Variants in ADGRG2 observed in about 807,000 individuals in gnomAD.
The protein encoded by ADGRG2 is G protein-coupled receptor 64.
A neutral mutation model predicts 74.1 loss-of-function variants in ADGRG2; 26 were observed. That is an observed-to-expected ratio of 0.35 (90% CI 0.26 to 0.49). ADGRG2 has a LOEUF of 0.49. Ranked by LOEUF, ADGRG2 falls within the 20% of genes least tolerant of loss-of-function variation. The probability of loss-of-function intolerance (pLI) is 0.99; values close to 1 mark genes in which losing one functional copy is unlikely to be tolerated. For synonymous variants in ADGRG2, 296 were observed against 295.2 expected, an observed-to-expected ratio of 1.00 and a Z score of -0.03; for missense variants, 619 against 763.1, an observed-to-expected ratio of 0.81 and a Z score of 2.22.
chrX:19,034,908 T>G (rs911910417), intron 7 of ADGRG2: 9 of 109,825 alleles, frequency 8.2e-5, no homozygotes, highest in Non-Finnish European at 1.7e-4. Context: ...CACTCCAGCC[T>G]GGATGACAGA....
chrX:19,028,850 A>G (rs765299827), intron 9 of ADGRG2, among the ~76,000 whole-genome samples: 1 of 111,928 alleles, frequency 8.9e-6, no homozygotes, highest in African/African-American at 3.2e-5. Flanking sequence ...GGCTCAGCCA[A>G]CGTTTTTGGT....
rs1440423578 is a variant in ADGRG2, at chrX:19,011,759, C to T, written c.1100-981G>A. Among the ~76,000 whole-genome samples the T allele has an allele frequency of 4.5e-5, 5 of 111,897 alleles. No homozygotes were observed. The South Asian group carries it at 1.1e-3, about 25-fold the overall frequency. ...ACTCGGGAGGCTGAGGCACAAGAAT[C>T]GCTTGAACCCAGGAGGCAGAGGTTG... On this transcript the variant is annotated intron_variant, in intron 16 of 28. Transcript: ENST00000379869.
At chrX:19,022,135 G>T (rs773042962) in intron 13 of ADGRG2, among the ~76,000 whole-genome samples, 34 of 110,043 alleles carry the variant, frequency 3.1e-4, no homozygotes, top group Non-Finnish European at 6.3e-4. Context: ...GTGGTGGTGG[G>T]TGCCTGTAAT....
Position 19,023,434 on chromosome X carries a change from G to T in ADGRG2, c.530C>A (p.Ala177Asp). 9.0e-7 allele frequency: 1 copy of T among 1,107,117 alleles called. No homozygotes were observed. Among genetic ancestry groups the T allele is most frequent in the Non-Finnish European group, 1.2e-6 (1 of 812,037 alleles). 91.2% of individuals were successfully genotyped at this position (1,107,117 alleles called of 1,213,427 possible). Residue 177 changes from alanine (A) to aspartate (D), a missense_variant, in exon 13 of 29, where the codon GCT (alanine) becomes GAT (aspartate). Around this residue, in one of 3 missense-constraint regions of ADGRG2, gnomAD observed 292 missense variants for 318.0 expected, o/e 0.92. Coordinates refer to ENST00000379869, the MANE Select transcript of ADGRG2 (RefSeq NM_001079858.3). ...TLSETYFIMC[A>D]TAEAQSTLNC... is the part of the protein sequence containing the mutation. ...GACTGACCTTTGGGCCTCTGCTGTA[G>T]CACACATTATAAAGTAAGTCTGAAA...
At chrX:19,077,328 C>T (rs1228904350) in intron 2 of ADGRG2, among the ~76,000 whole-genome samples, 2 of 75,260 alleles carry the variant, frequency 2.7e-5, no homozygotes, top group Non-Finnish European at 4.7e-5. Flanking sequence ...GAAACTCTGT[C>T]TCTACTAAAA....
intron 26 of ADGRG2, among the ~76,000 whole-genome samples, chrX:18,998,658 C>G (rs1057228249): frequency 1.7e-4 from 17 of 99,692 alleles, no homozygotes; most frequent in African/African-American, 6.1e-4. Flanking sequence ...CTGCGTCCAG[C>G]AAGTCTCTCA....
chrX:19,079,824 C>A (rs1302699743), intron 2 of ADGRG2, among the ~76,000 whole-genome samples: 1 of 111,484 alleles, frequency 9.0e-6, no homozygotes, highest in Non-Finnish European at 1.9e-5. Context: ...ATCAGACGTG[C>A]AAGATTAGAA....
intron 1 of ADGRG2, among the ~76,000 whole-genome samples, chrX:19,102,292 T>C (rs1394155508): frequency 9.0e-6 from 1 of 110,805 alleles, no homozygotes; most frequent in Non-Finnish European, 1.9e-5. Context: ...CTCATTTCTC[T>C]TATTTTAAGG....
chrX:19,011,798 T>C (rs1569370900), intron 16 of ADGRG2, among the ~76,000 whole-genome samples: 3 of 112,047 alleles, frequency 2.7e-5, no homozygotes, highest in Admixed American at 9.5e-5. Flanking sequence ...TGAGCCGAAA[T>C]TGCGCCACTG....
At chrX:19,113,447 T>G in intron 1 of ADGRG2, among the ~76,000 whole-genome samples, 1 of 111,994 alleles carries the variant, frequency 8.9e-6, no homozygotes, top group Non-Finnish European at 1.9e-5. Context: ...AGGTCTATTG[T>G]CAAAATTGGA....
Position 19,067,529 on chromosome X carries a change from A to T in ADGRG2, c.118+1188T>A, listed in dbSNP as rs770141582. ...AAAGGACCTAAACATAAGAGCTAAA[A>T]CTATAAAATTCTTGGAAGAAAACAT... On this transcript the variant is annotated intron_variant, in intron 3 of 28. Coordinates refer to ENST00000379869, the MANE Select transcript of ADGRG2 (RefSeq NM_001079858.3). Among the ~76,000 whole-genome samples the T allele has an allele frequency of 2.7e-5, 3 of 112,177 alleles. No homozygotes were observed. The East Asian group carries it at 8.3e-4, about 31-fold the overall frequency.
intron 3 of ADGRG2, among the ~76,000 whole-genome samples, chrX:19,046,802 G>A (rs750484562): frequency 3.6e-5 from 4 of 111,705 alleles, no homozygotes; most frequent in Non-Finnish European, 5.6e-5. Context: ...TGGAATCATG[G>A]AAGAGGCACA....
At chrX:19,069,544 T>C (rs746178582) in intron 2 of ADGRG2, among the ~76,000 whole-genome samples, 1 of 110,827 alleles carries the variant, frequency 9.0e-6, no homozygotes, top group East Asian at 2.9e-4. Context: ...TGCCCGAATG[T>C]TGCCTTTTCC....
intron 2 of ADGRG2, among the ~76,000 whole-genome samples, chrX:19,077,863 C>T (rs1310190631): frequency 1.8e-5 from 2 of 112,020 alleles, no homozygotes; most frequent in African/African-American, 6.5e-5. Flanking sequence ...ACTACTATAG[C>T]CTCAAAATAC....
intron 3 of ADGRG2, among the ~76,000 whole-genome samples, chrX:19,055,304 A>G (rs762788772): frequency 1.3e-4 from 15 of 111,733 alleles, no homozygotes; most frequent in South Asian, 3.7e-4. Context: ...ACGCGCGTGC[A>G]CGCACCTTAG....
chrX:19,027,003 T>C (rs751477993), intron 11 of ADGRG2, among the ~76,000 whole-genome samples: 4 of 112,180 alleles, frequency 3.6e-5, no homozygotes, highest in African/African-American at 1.3e-4. Context: ...CTAATTCAAA[T>C]GAAGCTGTTA....
At chrX:19,090,153 C>T (rs2061995427) in intron 1 of ADGRG2, among the ~76,000 whole-genome samples, 1 of 111,625 alleles carries the variant, frequency 9.0e-6, no homozygotes, top group South Asian at 3.8e-4. Context: ...CTATACACTC[C>T]CTCTGGAACC....
At chrX:19,072,809 G>A (rs1340650622) in intron 2 of ADGRG2, among the ~76,000 whole-genome samples, 1 of 110,922 alleles carries the variant, frequency 9.0e-6, no homozygotes, top group Non-Finnish European at 1.9e-5. Flanking sequence ...TATGGTATTT[G>A]AAATAATGTA....
At chrX:19,098,257 G>GA (rs751343016) in intron 1 of ADGRG2, among the ~76,000 whole-genome samples, 1,217 of 111,709 alleles carry the variant, frequency 0.011, 8 homozygotes, top group Non-Finnish European at 0.017. Flanking sequence ...AAATGTGTAG[G>GA]AAAAATCTCC....
Sources: gnomAD v4.1 joint callset for allele counts (sites outside exome capture counted in the v4.1 genomes callset) on GRCh38, gnomAD v4.1.1 for gene constraint, gnomAD v4.1.1 regional missense constraint, MANE v1.5 for transcripts, NCBI Gene and HGNC (gene_info 2026-07-23, HGNC 2026-07-21) for gene names.